ORMDL1: variants seen among roughly 807,000 people sequenced by gnomAD.
ORMDL1 encodes the protein ORM1-like protein 1.
Under a neutral mutation model 13.0 loss-of-function variants are expected in ORMDL1, and 10 were observed. The ratio of observed to expected loss-of-function variants is 0.77; its 90% confidence interval spans 0.47 to 1.30. The LOEUF (loss-of-function observed/expected upper bound fraction) is 1.30. Among genes scored for constraint, ORMDL1 ranks in the 50% most tolerant of loss-of-function variants. ORMDL1 has a pLI of 0.00. For missense variants in ORMDL1, 171 were observed against 186.7 expected (o/e 0.92, Z 0.49); for synonymous variants, 61 against 63.9 (o/e 0.95, Z 0.22).
At position 189,775,714 on chromosome 2, in the gene ORMDL1, C is replaced by G; in HGVS notation, c.177G>C (p.Gly59=). 1.2e-6 allele frequency: 2 copies of G among 1,611,380 alleles called. No homozygotes were observed. Among genetic ancestry groups the G allele is most frequent in the Middle Eastern group, 3.3e-4 (2 of 6,050 alleles). Reference sequence around the variant, plus strand: ...TCACTGCATGCAAAAATACGTACATCCCCTGGAAAACAAGCAAGGGGTTAT... The same window carrying G: ...TCACTGCATGCAAAAATACGTACATGCCCTGGAAAACAAGCAAGGGGTTAT... ...WTLTNIIHNL[G]MYVFLHAVKG... is the part of the protein sequence containing the mutation. The change falls in exon 4 of 5, where the codon GGG becomes GGC. Residue 59 remains glycine (G), a splice_region_variant and synonymous_variant. Coordinates refer to ENST00000392349, the MANE Select transcript of ORMDL1 (RefSeq NM_016467.5).
At chr2:189,777,041 T>G (rs2047712373) in intron 3 of ORMDL1, among the ~76,000 whole-genome samples, 1 of 152,218 alleles carries the variant, frequency 6.6e-6, no homozygotes, top group Admixed American at 6.5e-5. Context: ...TACCTCATTC[T>G]TAAAGGTTCA....
chr2:189,780,274 T>C (rs922596739), intron 3 of ORMDL1, among the ~76,000 whole-genome samples: 6 of 152,236 alleles, frequency 3.9e-5, no homozygotes, highest in African/African-American at 1.4e-4. Context: ...GGCACAACAC[T>C]GGTGCTAAAA....
At chr2:189,765,839 A>ATTTTTTTTTTTTTT (rs72132150), downstream of ORMDL1, among the ~76,000 whole-genome samples, 2 of 106,750 alleles carry the variant, frequency 1.9e-5, no homozygotes, top group Non-Finnish European at 1.8e-5. Flanking sequence ...TACTTTCTCC[A>ATTTTTTTTTTTTTT]TTTTTTTTTT....
downstream of ORMDL1, among the ~76,000 whole-genome samples, chr2:189,766,309 T>C (rs934578886): frequency 2.0e-5 from 3 of 152,234 alleles, no homozygotes; most frequent in African/African-American, 7.2e-5. Context: ...TACATAACAA[T>C]TTACCATTTT....
At chr2:189,780,933 TG>T (rs2047811754) in intron 3 of ORMDL1, among the ~76,000 whole-genome samples, 1 of 152,224 alleles carries the variant, frequency 6.6e-6, no homozygotes, top group Admixed American at 6.5e-5. Flanking sequence ...TGTTATTATT[TG>T]AGGCAGGGTC....
At chr2:189,783,265 T>C (rs1216324338) in intron 1 of ORMDL1, 142 bp from the exon 2 acceptor site, 1 of 152,034 alleles carries the variant, frequency 6.6e-6, no homozygotes, top group Non-Finnish European at 1.5e-5. Context: ...CTTTCTTCTT[T>C]TTAAAAAAGG....
chr2:189,780,676 G>A (rs2047803209), intron 3 of ORMDL1, among the ~76,000 whole-genome samples: 1 of 152,112 alleles, frequency 6.6e-6, no homozygotes, highest in South Asian at 2.1e-4. Context: ...AGAAAGAGAA[G>A]GTCAGAAATA....
intron 4 of ORMDL1, among the ~76,000 whole-genome samples, chr2:189,773,576 G>A (rs1243695424): frequency 6.6e-6 from 1 of 152,042 alleles, no homozygotes; most frequent in Non-Finnish European, 1.5e-5. Flanking sequence ...ACAAAAAGTA[G>A]CTGGGCACGG....
chr2:189,782,603 C>T lies in ORMDL1; in HGVS notation c.-7-1G>A. On this transcript the variant is annotated splice_acceptor_variant, in intron 2 of 4. Transcript: ENST00000392349. LOFTEE classifies it low-confidence loss of function (5UTR_SPLICE). ...GGCAACTCCAACGTTCATGTTTGCT[C>T]TGTAGGAAGTAATGAAATGAATCAA... The T allele has an allele frequency of 6.2e-7, 1 of 1,612,486 alleles. No individual in the cohort carries two copies. Among genetic ancestry groups the T allele is most frequent in the Non-Finnish European group, 8.5e-7 (1 of 1,178,812 alleles).
chr2:189,772,107 A>G (rs1272511249), intron 4 of ORMDL1, among the ~76,000 whole-genome samples: 6 of 152,128 alleles, frequency 3.9e-5, no homozygotes, highest in African/African-American at 1.4e-4. Flanking sequence ...GGAGGTCCAC[A>G]TTTTCCATTT....
intron 3 of ORMDL1, among the ~76,000 whole-genome samples, chr2:189,779,147 C>T (rs1007148106): frequency 3.3e-5 from 5 of 152,148 alleles, no homozygotes; most frequent in African/African-American, 1.2e-4. Flanking sequence ...CACTGCACTC[C>T]AGCCTGGGTA....
chr2:189,764,800 T>G, the ORMDL1 span: 4 of 152,104 alleles, frequency 2.6e-5, no homozygotes, highest in African/African-American at 9.6e-5. Context: ...GAAAATTTTA[T>G]TATTAATACA....
the ORMDL1 span, chr2:189,764,877 G>C: frequency 2.0e-5 from 3 of 151,730 alleles, no homozygotes; most frequent in African/African-American, 7.3e-5. Context: ...TCTGTTGCCA[G>C]GCTGGAGTGC....
At chr2:189,777,579 C>T (rs1019462051) in intron 3 of ORMDL1, among the ~76,000 whole-genome samples, 1 of 152,174 alleles carries the variant, frequency 6.6e-6, no homozygotes, top group African/African-American at 2.4e-5. Context: ...CATATATCTA[C>T]TGCCCCAATA....
Position 189,771,668 on chromosome 2 carries a change from C to G in ORMDL1, c.*99G>C. On this transcript the variant is annotated 3_prime_UTR_variant, in exon 5 of 5. Transcript: ENST00000392349. ...CATTGGCCCTCCAATGTAAATACTT[C>G]TCATTTCACATTATCACAGAAACAG... The G allele has an allele frequency of 2.7e-6, 3 of 1,101,034 alleles. No individual in the cohort carries two copies. The highest frequency in any genetic ancestry group is 3.8e-6 in the Non-Finnish European group (3 of 794,202). The allele number at this position is 1,101,034 out of a possible 1,614,324, so 68.2% of individuals were successfully genotyped here. A position where few individuals can be genotyped will look rare whatever the true frequency, so the allele number is the denominator to read the frequency against.
chr2:189,770,150 G>A (rs2047547385), downstream of ORMDL1, among the ~76,000 whole-genome samples: 1 of 152,050 alleles, frequency 6.6e-6, no homozygotes, highest in Non-Finnish European at 1.5e-5. Context: ...GTCTAAGAGG[G>A]AGACTTCTAT....
intron 3 of ORMDL1, chr2:189,778,433 A>G (rs574941070): frequency 2.2e-6 from 1 of 456,134 alleles, no homozygotes; most frequent in Non-Finnish European, 4.4e-6. Flanking sequence ...ACATTTAAAT[A>G]CGTTCTTAGC....
intron 4 of ORMDL1, 49 bp downstream of exon 4, chr2:189,775,516 T>C: frequency 1.3e-6 from 2 of 1,492,258 alleles, no homozygotes; most frequent in Non-Finnish European, 1.8e-6. Flanking sequence ...TGAAAAGATA[T>C]CTTCCTCTTA....
intron 3 of ORMDL1, among the ~76,000 whole-genome samples, chr2:189,777,056 A>AG (rs2047712733): frequency 6.6e-6 from 1 of 152,226 alleles, no homozygotes; most frequent in African/African-American, 2.4e-5. Context: ...GGTTCAGCTC[A>AG]AATAACAATT....
Sources: gnomAD v4.1 joint callset for allele counts (sites outside exome capture counted in the v4.1 genomes callset) on GRCh38, gnomAD v4.1.1 for gene constraint, MANE v1.5 for transcripts, NCBI Gene and HGNC (gene_info 2026-07-23, HGNC 2026-07-21) for gene names.